Variants in PER2 observed in about 807,000 individuals in gnomAD.
PER2 encodes the protein period circadian regulator 2.
Under a neutral mutation model 121.0 loss-of-function variants are expected in PER2, and 66 were observed. That is an observed-to-expected ratio of 0.55 (90% CI 0.45 to 0.67). The LOEUF (loss-of-function observed/expected upper bound fraction) is 0.67. Ranked by LOEUF, PER2 falls within the 30% of genes least tolerant of loss-of-function variation. The pLI, the probability that PER2 is intolerant of heterozygous loss-of-function variation, is 0.00. For missense variants in PER2, 1,521 were observed against 1,635.0 expected, an observed-to-expected ratio of 0.93 and a Z score of 1.20; for synonymous variants, 684 against 659.9, an observed-to-expected ratio of 1.04 and a Z score of -0.56.
At chr2:238,261,507 G>A (rs1442818651) in intron 12 of PER2, 3 of 600,812 alleles carry the variant, frequency 5.0e-6, no homozygotes, top group African/African-American at 1.8e-5. Flanking sequence ...CAGGGCTGCA[G>A]TTCAGACAAG....
chr2:238,295,792 C>A, the PER2 span: 1 of 169,564 alleles, frequency 5.9e-6, no homozygotes. Context: ...CTCCCCAGGC[C>A]ACCACTGAAG....
intron 22 of PER2, among the ~76,000 whole-genome samples, chr2:238,248,379 G>A (rs79073611): frequency 0.01 from 1,558 of 152,304 alleles, 58 homozygotes; most frequent in East Asian, 0.096. Context: ...CCACAGGGCC[G>A]CTGGAAGGAC....
intron 4 of PER2, among the ~76,000 whole-genome samples, chr2:238,274,216 C>T (rs911861377): frequency 6.6e-6 from 1 of 152,248 alleles, no homozygotes; most frequent in African/African-American, 2.4e-5. Flanking sequence ...GGGTGACAAG[C>T]CTGTCTCTGG....
chr2:238,270,223 C>T (rs1696241937), intron 6 of PER2, among the ~76,000 whole-genome samples: 1 of 152,200 alleles, frequency 6.6e-6, no homozygotes, highest in Non-Finnish European at 1.5e-5. Context: ...TTGGGATAGT[C>T]AGTTCTAACA....
At chr2:238,262,485 T>A (rs1359511390) in intron 10 of PER2, 141 bp from the exon 11 acceptor site, 2 of 756,538 alleles carry the variant, frequency 2.6e-6, no homozygotes, top group Non-Finnish European at 4.4e-6. Flanking sequence ...GCCACTGCTT[T>A]CAACCTCCTG....
intron 12 of PER2, 148 bp downstream of exon 12, chr2:238,261,581 G>T: frequency 1.4e-6 from 1 of 691,718 alleles, no homozygotes. Flanking sequence ...CACAGTCTAT[G>T]CCCAAACTGT....
At chr2:238,294,256 A>G (rs536541633), upstream of PER2, among the ~76,000 whole-genome samples, 1 of 152,236 alleles carries the variant, frequency 6.6e-6, no homozygotes, top group South Asian at 2.1e-4. Flanking sequence ...TGCGTCCTGC[A>G]AGGCTGTTGC....
Position 238,246,532 on chromosome 2 carries a change from GAA to G in PER2, c.3619-10_3619-9del. ...TTCACAGTAAACACATTCCTTAAAA[GAA>G]AAAAAAAGAGAAATCAGTAACAAAC... On this transcript the variant is annotated splice_polypyrimidine_tract_variant and intron_variant, in intron 22 of 22. Coordinates refer to ENST00000254657, the MANE Select transcript of PER2 (RefSeq NM_022817.3). 1.3e-6 allele frequency: 2 copies of G among 1,503,422 alleles called. No homozygotes were observed. The highest frequency in any genetic ancestry group is 2.3e-5 in the East Asian group (1 of 43,780). The allele number at this position is 1,503,422 out of a possible 1,614,324, so 93.1% of individuals were successfully genotyped here.
intron 17 of PER2, among the ~76,000 whole-genome samples, chr2:238,256,251 G>A (rs76990116): frequency 6.6e-6 from 1 of 152,152 alleles, no homozygotes; most frequent in Admixed American, 6.5e-5. Flanking sequence ...AACGTGCTGA[G>A]TCTTTCCGGG....
intron 5 of PER2, among the ~76,000 whole-genome samples, chr2:238,272,212 A>T (rs1463175120): frequency 6.6e-6 from 1 of 151,958 alleles, no homozygotes; most frequent in Admixed American, 6.6e-5. Context: ...GCTGGAAGAA[A>T]CCCCAGCTGT....
At chr2:238,297,473 G>T in the PER2 span, among the ~76,000 whole-genome samples, 2 of 152,162 alleles carry the variant, frequency 1.3e-5, no homozygotes, top group Non-Finnish European at 2.9e-5. Flanking sequence ...CGATTGAAAT[G>T]AGATTCCTAA....
In PER2 at chr2:238,268,310, G is replaced by T; in HGVS notation, c.825-112C>A. On this transcript the variant is annotated intron_variant, in intron 7 of 22. Transcript: ENST00000254657. The surrounding 1 kb of genome is among the most constrained non-coding windows in gnomAD (Gnocchi z 4.0). ...CATGCTGCAGGTGATGTGTACCTCT[G>T]CTCTGCCTGAGGAGCTGGGCCTGCC... is the stretch of plus-strand genomic sequence containing the variant. The T allele has an allele frequency of 1.8e-6, 2 of 1,139,100 alleles. No homozygotes were observed. The highest frequency in any genetic ancestry group is 2.6e-6 in the Non-Finnish European group (2 of 778,676). The allele number at this position is 1,139,100 out of a possible 1,614,324, so 70.6% of individuals were successfully genotyped here.
At position 238,277,923 on chromosome 2, in the gene PER2, G is replaced by A. The variant is rs370722908; in HGVS notation, c.14C>T (p.Ala5Val). MNGY[A>V]EFPPSPSNPT... ...GTTACTGGGGCTGGGCGGAAATTCCGCGTATCCATTCATGCTGGGCTCTGG... is the reference window on the plus strand; with the variant it reads ...GTTACTGGGGCTGGGCGGAAATTCCACGTATCCATTCATGCTGGGCTCTGG... Residue 5 changes from alanine to valine, a missense_variant, in exon 2 of 23, where the codon GCG (alanine) becomes GTG (valine). Physicochemically the swap from Ala to Val is moderately conservative, Grantham distance 64. Coordinates refer to ENST00000254657, the MANE Select transcript of PER2 (RefSeq NM_022817.3). The A allele has an allele frequency of 1.6e-5, 26 of 1,613,620 alleles. No individual in the cohort carries two copies. Among genetic ancestry groups the A allele is most frequent in the Middle Eastern group, 1.7e-4 (1 of 5,876 alleles).
chr2:238,270,407 T>C (rs112514971), intron 6 of PER2, among the ~76,000 whole-genome samples: 50 of 151,722 alleles, frequency 3.3e-4, no homozygotes, highest in African/African-American at 1.2e-3. Flanking sequence ...ATCTCTGCTT[T>C]CGTGGGAATC....
chr2:238,297,905 T>C, the PER2 span, among the ~76,000 whole-genome samples: 39 of 152,330 alleles, frequency 2.6e-4, no homozygotes, highest in African/African-American at 9.1e-4. Context: ...ATGCCGCGTG[T>C]CTGGCTTGCC....
intron 12 of PER2, chr2:238,261,347 AT>A (rs1008336630): frequency 2.7e-4 from 101 of 378,408 alleles, no homozygotes; most frequent in African/African-American, 1.5e-3. Context: ...AGTGGGCCTG[AT>A]TTTTTTTAGG....
At chr2:238,286,088 A>G (rs1169090883) in intron 1 of PER2, among the ~76,000 whole-genome samples, 3 of 152,186 alleles carry the variant, frequency 2.0e-5, no homozygotes, top group African/African-American at 7.2e-5. Flanking sequence ...AATGATCTCA[A>G]TTCAGACTTT....
intron 3 of PER2, among the ~76,000 whole-genome samples, chr2:238,276,406 C>A (rs1041797438): frequency 6.6e-6 from 1 of 152,220 alleles, no homozygotes; most frequent in African/African-American, 2.4e-5. Context: ...GTGTTCTTTT[C>A]CCTGAAGGGT....
intron 1 of PER2, among the ~76,000 whole-genome samples, chr2:238,287,390 C>A (rs537821451): frequency 3.3e-5 from 5 of 152,238 alleles, no homozygotes; most frequent in Non-Finnish European, 7.3e-5. Context: ...TCTTCTCAGG[C>A]ACACCCAGCC....
Sources: allele counts gnomAD v4.1 joint callset (sites outside exome capture counted in the v4.1 genomes callset), GRCh38; gene constraint gnomAD v4.1.1; non-coding constraint Gnocchi (gnomAD v3.1); transcripts MANE v1.5; gene names NCBI Gene and HGNC (gene_info 2026-07-23, HGNC 2026-07-21).